Variants in SEC24B observed in about 807,000 individuals in gnomAD.
SEC24B encodes the protein SEC24 homolog B, COPII component.
Under a neutral mutation model 142.8 loss-of-function variants are expected in SEC24B, and 45 were observed. The ratio of observed to expected loss-of-function variants is 0.32; its 90% CI spans 0.25 to 0.40. The LOEUF is 0.40. SEC24B is among the 10% of genes least tolerant of loss of function. SEC24B has a pLI of 1.00. For synonymous variants in SEC24B, 574 were observed against 568.2 expected (o/e 1.01, Z -0.15); for missense variants, 1,409 against 1,526.8 (o/e 0.92, Z 1.29).
At chr4:109,522,357 T>C (rs961785641) in intron 14 of SEC24B, among the ~76,000 whole-genome samples, 1 of 152,096 alleles carries the variant, frequency 6.6e-6, no homozygotes, top group Admixed American at 6.6e-5. Flanking sequence ...GGCGAGAGTT[T>C]TTAACTCAAA....
Position 109,513,826 on chromosome 4 carries a change from T to G in SEC24B, c.1983T>G (p.Thr661=), listed in dbSNP as rs751630924. 5 of 1,611,478 alleles carry G rather than the reference T, an allele frequency of 3.1e-6. No individual in the cohort carries two copies. The highest frequency in any genetic ancestry group is 1.3e-5 in the African/African-American group (1 of 74,972). Reference sequence around the variant, plus strand: ...AACGACCAGAAGTTCAGAATTCAACTGTGGAGTTCATTGCTTCTTCAGATT... The same window carrying G: ...AACGACCAGAAGTTCAGAATTCAACGGTGGAGTTCATTGCTTCTTCAGATT... ...PHKRPEVQNS[T]VEFIASSDYM... The change falls in exon 10 of 24, where the codon ACT becomes ACG. Residue 661 remains threonine (T), a synonymous_variant. Transcript: ENST00000265175.
At chr4:109,438,060 A>G (rs1728579437) in intron 1 of SEC24B, among the ~76,000 whole-genome samples, 6 of 152,236 alleles carry the variant, frequency 3.9e-5, no homozygotes, top group Admixed American at 3.3e-4. Context: ...TTTGAAAAAC[A>G]CATAGTTTGG....
rs746370552 is a variant in SEC24B, at chr4:109,530,494, ATTG to A, written c.3252+33_3252+35del. 7 of 1,546,466 alleles carry A rather than the reference ATTG, an allele frequency of 4.5e-6. No homozygotes were observed. The Admixed American group carries it at 1.3e-4, about 30-fold the overall frequency. ...CTTTTTATACATTGCTATATTTAAT[ATTG>A]TTTTTTAAAATTCTCAGATATGTAC... On this transcript the variant is annotated intron_variant, in intron 19 of 23. Transcript: ENST00000265175.
At chr4:109,508,048 A>T (rs1242707325) in intron 7 of SEC24B, among the ~76,000 whole-genome samples, 1 of 152,208 alleles carries the variant, frequency 6.6e-6, no homozygotes, top group Admixed American at 6.5e-5. Flanking sequence ...GAAAATAAGA[A>T]GTGGAGCTGC....
chr4:109,500,920 A>T (rs1184799319), intron 6 of SEC24B, among the ~76,000 whole-genome samples: 1 of 152,104 alleles, frequency 6.6e-6, no homozygotes, highest in Non-Finnish European at 1.5e-5. Flanking sequence ...AGGTCTCCCA[A>T]AGTGCTGGGA....
intron 4 of SEC24B, among the ~76,000 whole-genome samples, chr4:109,487,494 T>C (rs1369303831): frequency 6.6e-6 from 1 of 152,222 alleles, no homozygotes; most frequent in East Asian, 1.9e-4. Context: ...GTTTGTTTTA[T>C]GACAGTGTGA....
chr4:109,495,304 T>TGAGA (rs1735425797), intron 6 of SEC24B, among the ~76,000 whole-genome samples: 1 of 152,226 alleles, frequency 6.6e-6, no homozygotes, highest in South Asian at 2.1e-4. Flanking sequence ...CTCACCTTGA[T>TGAGA]GAGAGCCTCC....
At chr4:109,517,001 A>G (rs1380453669) in intron 11 of SEC24B, among the ~76,000 whole-genome samples, 1 of 152,192 alleles carries the variant, frequency 6.6e-6, no homozygotes, top group Non-Finnish European at 1.5e-5. Context: ...TGTGGAGAAA[A>G]GGGAAACTGC....
chr4:109,479,976 C>G (rs1423949966), intron 3 of SEC24B, among the ~76,000 whole-genome samples: 1 of 152,166 alleles, frequency 6.6e-6, no homozygotes, highest in Admixed American at 6.5e-5. Context: ...CTTGCATTAC[C>G]TGAACCTATT....
intron 8 of SEC24B, among the ~76,000 whole-genome samples, chr4:109,511,307 G>T (rs765704398): frequency 2.0e-5 from 3 of 151,186 alleles, no homozygotes; most frequent in Non-Finnish European, 2.9e-5. Context: ...ACAGATATGT[G>T]GTTACTTGCA....
rs563695511 is a variant in SEC24B at position 109,527,389 on chromosome 4, G to A, written c.3033G>A (p.Ala1011=). ...PVVSSLADVY[A]GVDVQAAICL... ...TAAGTTCACTAGCAGATGTATATGC[G>A]GGAGTGGATGTACAAGCTGCCATCT... is the stretch of plus-strand genomic sequence containing the variant. The change falls in exon 18 of 24, where the codon GCG becomes GCA. Residue 1011 remains alanine, a synonymous_variant. Transcript: ENST00000265175. The A allele has an allele frequency of 2.8e-5, 45 of 1,613,398 alleles. No homozygotes were observed. The highest frequency in any genetic ancestry group is 2.0e-4 in the East Asian group (9 of 44,856).
chr4:109,471,516 T>C (rs1255671141), intron 2 of SEC24B, among the ~76,000 whole-genome samples: 1 of 152,228 alleles, frequency 6.6e-6, no homozygotes, highest in East Asian at 1.9e-4. Context: ...CACTGTTTTA[T>C]GTTGGCAGTT....
intron 6 of SEC24B, among the ~76,000 whole-genome samples, chr4:109,495,120 CTT>C (rs1735404988): frequency 6.6e-6 from 1 of 151,948 alleles, no homozygotes; most frequent in African/African-American, 2.4e-5. Context: ...TTCATGATAT[CTT>C]TATTTTTCAG....
chr4:109,480,342 C>A (rs1561112842), intron 3 of SEC24B, among the ~76,000 whole-genome samples: 1 of 151,424 alleles, frequency 6.6e-6, no homozygotes. Context: ...TTCATTGTAC[C>A]CCAATATTAG....
chr4:109,482,230 CT>C (rs1014187284), intron 4 of SEC24B, among the ~76,000 whole-genome samples: 2 of 152,176 alleles, frequency 1.3e-5, no homozygotes, highest in African/African-American at 2.4e-5. Context: ...CAGTGAGGTC[CT>C]TTTGGCTTTT....
intron 1 of SEC24B, among the ~76,000 whole-genome samples, chr4:109,453,569 G>C (rs928540114): frequency 1.3e-5 from 2 of 151,434 alleles, no homozygotes; most frequent in African/African-American, 2.4e-5. Flanking sequence ...TGGCCCACAG[G>C]CAGCCAGACT....
intron 5 of SEC24B, among the ~76,000 whole-genome samples, chr4:109,492,333 G>A (rs557379907): frequency 6.6e-6 from 1 of 152,234 alleles, no homozygotes; most frequent in South Asian, 2.1e-4. Flanking sequence ...GTCTGTGTGT[G>A]TAAGAAGTTG....
intron 6 of SEC24B, among the ~76,000 whole-genome samples, chr4:109,495,138 A>G (rs1249613755): frequency 6.6e-6 from 1 of 152,198 alleles, no homozygotes; most frequent in Non-Finnish European, 1.5e-5. Flanking sequence ...TTCAGAGTCT[A>G]CAATTGCAAG....
At chr4:109,512,720 A>G (rs190314448) in intron 9 of SEC24B, among the ~76,000 whole-genome samples, 4 of 151,868 alleles carry the variant, frequency 2.6e-5, no homozygotes, top group African/African-American at 4.8e-5. Flanking sequence ...CAGTTGCACA[A>G]TATGGCTCAC....
Sources: allele counts gnomAD v4.1 joint callset (sites outside exome capture counted in the v4.1 genomes callset), GRCh38; gene constraint gnomAD v4.1.1; transcripts MANE v1.5; gene names NCBI Gene and HGNC (gene_info 2026-07-23, HGNC 2026-07-21).